The following RBFOX1 variants were observed in gnomAD, a reference collection of about 807,000 sequenced individuals.
RBFOX1 encodes RNA binding protein fox-1 homolog 1.
RBFOX1 carries 8 observed loss-of-function variants against 57.7 expected under a neutral mutation model. That is an observed-to-expected ratio of 0.14 (90% CI 0.08 to 0.25). The LOEUF (loss-of-function observed/expected upper bound fraction) is 0.25, where lower values mean the gene tolerates loss of function less well. Among genes scored for constraint, RBFOX1 ranks in the 10% least tolerant of loss-of-function variants. The pLI is 1.00. For missense variants in RBFOX1, 611 were observed against 548.5 expected, an observed-to-expected ratio of 1.11 and a Z score of -1.14; for synonymous variants, 326 against 222.4, an observed-to-expected ratio of 1.47 and a Z score of -4.15.
At chr16:5,481,040 G>C (rs181957973) in intron 2 of RBFOX1, among the ~76,000 whole-genome samples, 4 of 152,342 alleles carry the variant, frequency 2.6e-5, no homozygotes, top group East Asian at 1.9e-4. Flanking sequence ...GTGAATGCCT[G>C]TTATCCCACA....
chr16:6,627,080 C>G (rs745332953), intron 2 of RBFOX1, among the ~76,000 whole-genome samples: 17 of 152,212 alleles, frequency 1.1e-4, no homozygotes, highest in Non-Finnish European at 2.2e-4. Flanking sequence ...CGGTCTGGCT[C>G]TAAAATCCAT....
intron 4 of RBFOX1, among the ~76,000 whole-genome samples, chr16:7,217,027 C>CCCTCCCTCCCTCCCTCCCTCCCTCCCTT (rs2092194094): frequency 2.1e-5 from 1 of 48,188 alleles, no homozygotes; most frequent in Admixed American, 2.2e-4. Flanking sequence ...CTCCCTCCCT[C>CCCTCCCTCCCTCCCTCCCTCCCTCCCTT]CCTCCCTCCC....
At chr16:6,746,236 C>T (rs181664593) in intron 3 of RBFOX1, among the ~76,000 whole-genome samples, 4 of 151,862 alleles carry the variant, frequency 2.6e-5, no homozygotes, top group African/African-American at 9.7e-5. Context: ...CCCAGCAGGC[C>T]TTTTTTTCAA....
intron 3 of RBFOX1, among the ~76,000 whole-genome samples, chr16:6,946,943 G>A (rs985190384): frequency 6.6e-6 from 1 of 152,106 alleles, no homozygotes; most frequent in Non-Finnish European, 1.5e-5. Flanking sequence ...TTGGCTTTAT[G>A]TTTGGGAGCC....
At chr16:5,818,307 C>T (rs1341158998) in intron 3 of RBFOX1, among the ~76,000 whole-genome samples, 1 of 152,144 alleles carries the variant, frequency 6.6e-6, no homozygotes, top group Admixed American at 6.5e-5. Flanking sequence ...GGCAGGAAAG[C>T]CTGAGTTTCA....
intron 1 of RBFOX1, among the ~76,000 whole-genome samples, chr16:5,455,277 T>C (rs2068595421): frequency 6.6e-6 from 1 of 151,930 alleles, no homozygotes; most frequent in African/African-American, 2.4e-5. Flanking sequence ...CATAACACAG[T>C]GGCATGTTTC....
chr16:7,629,389 T>C (rs1325994614), intron 10 of RBFOX1, among the ~76,000 whole-genome samples: 1 of 152,158 alleles, frequency 6.6e-6, no homozygotes, highest in East Asian at 1.9e-4. Context: ...TCCAAGGATA[T>C]AGAAAAGTTC....
chr16:5,591,577 G>T (rs2047009528), intron 2 of RBFOX1, among the ~76,000 whole-genome samples: 1 of 152,110 alleles, frequency 6.6e-6, no homozygotes, highest in African/African-American at 2.4e-5. Context: ...AAAAATATCA[G>T]TTTCTTCTCT....
chr16:6,898,925 A>G (rs1190296265), intron 3 of RBFOX1, among the ~76,000 whole-genome samples: 1 of 150,944 alleles, frequency 6.6e-6, no homozygotes, highest in Admixed American at 6.6e-5. Context: ...ATATGTGTAT[A>G]TGTGTGTATG....
intron 3 of RBFOX1, among the ~76,000 whole-genome samples, chr16:6,925,324 C>T (rs1291537773): frequency 2.0e-5 from 3 of 151,142 alleles, no homozygotes; most frequent in Non-Finnish European, 4.4e-5. Flanking sequence ...AGGGTTTCGT[C>T]CTGTTGGCCA....
intron 3 of RBFOX1, chr16:6,748,895 G>A (rs146839132): frequency 5.9e-5 from 9 of 152,228 alleles, no homozygotes; most frequent in African/African-American, 1.9e-4. Flanking sequence ...GAAGAACATA[G>A]ACCCCATAAA....
chr16:6,392,926 C>A (rs866394356), intron 2 of RBFOX1, among the ~76,000 whole-genome samples: 53 of 152,356 alleles, frequency 3.5e-4, no homozygotes, highest in African/African-American at 1.2e-3. Context: ...CCACCCTCTT[C>A]TGCCATGAAT....
At chr16:5,808,221 G>C (rs995955221) in intron 3 of RBFOX1, among the ~76,000 whole-genome samples, 1 of 152,170 alleles carries the variant, frequency 6.6e-6, no homozygotes, top group Non-Finnish European at 1.5e-5. Context: ...ACAGAGTGAA[G>C]ACCAAGAAAA....
chr16:6,968,618 C>T (rs973877275), intron 3 of RBFOX1, among the ~76,000 whole-genome samples: 11 of 151,994 alleles, frequency 7.2e-5, no homozygotes, highest in African/African-American at 2.7e-4. Context: ...CTGTCAGTTT[C>T]AGTTTGCATT....
At chr16:6,236,908 A>T (rs1416609196) in intron 1 of RBFOX1, among the ~76,000 whole-genome samples, 4 of 152,208 alleles carry the variant, frequency 2.6e-5, no homozygotes, top group Non-Finnish European at 5.9e-5. Flanking sequence ...GCCCAAGGTC[A>T]CACAGTGGCA....
At chr16:6,025,094 G>C (rs1251286809) in intron 1 of RBFOX1, among the ~76,000 whole-genome samples, 2 of 152,238 alleles carry the variant, frequency 1.3e-5, no homozygotes, top group East Asian at 3.9e-4. Flanking sequence ...TTTATGCAGA[G>C]AGATACCAGG....
intron 4 of RBFOX1, among the ~76,000 whole-genome samples, chr16:7,348,999 A>C (rs2097075675): frequency 6.6e-6 from 1 of 152,180 alleles, no homozygotes; most frequent in African/African-American, 2.4e-5. Context: ...CAACCGGGTG[A>C]GTAGGAGGCT....
intron 4 of RBFOX1, among the ~76,000 whole-genome samples, chr16:7,215,714 G>T (rs1327703697): frequency 1.4e-5 from 2 of 143,978 alleles, no homozygotes; most frequent in Non-Finnish European, 3.0e-5. Context: ...CTAAGAATTG[G>T]CCTATTCTGG....
intron 3 of RBFOX1, among the ~76,000 whole-genome samples, chr16:5,820,632 G>C (rs556548103): frequency 6.6e-6 from 1 of 152,158 alleles, no homozygotes; most frequent in Admixed American, 6.5e-5. Context: ...GAGAAGGAAC[G>C]TTTTCCCCAT....
Sources: allele counts gnomAD v4.1 joint callset (sites outside exome capture counted in the v4.1 genomes callset), GRCh38; gene constraint gnomAD v4.1.1; transcripts MANE v1.5; gene names NCBI Gene and HGNC (gene_info 2026-07-23, HGNC 2026-07-21).